RSU1: variants seen among roughly 807,000 people sequenced by gnomAD.
RSU1 encodes Ras suppressor protein 1.
Under a neutral mutation model 31.1 loss-of-function variants are expected in RSU1, and 26 were observed. The ratio of observed to expected loss-of-function variants is 0.84; its 90% CI spans 0.61 to 1.16. The LOEUF (loss-of-function observed/expected upper bound fraction) is 1.16, where lower values mean the gene tolerates loss of function less well. Ranked by LOEUF, RSU1 falls within the 50% of genes most tolerant of loss-of-function variation. RSU1 has a pLI of 0.00. For synonymous variants in RSU1, 164 were observed against 136.3 expected (o/e 1.20, Z -1.41); for missense variants, 320 against 339.1 (o/e 0.94, Z 0.44).
intron 8 of RSU1, among the ~76,000 whole-genome samples, chr10:16,610,139 C>T (rs190783211): frequency 6.6e-6 from 1 of 152,174 alleles, no homozygotes; most frequent in Non-Finnish European, 1.5e-5. Flanking sequence ...AAATTTATTA[C>T]ATAAATTTAA....
intron 7 of RSU1, among the ~76,000 whole-genome samples, chr10:16,719,132 A>T (rs1215383779): frequency 1.3e-5 from 2 of 152,134 alleles, no homozygotes; most frequent in Non-Finnish European, 2.9e-5. Context: ...ACACAGTGAC[A>T]ACCTATCTCT....
chr10:16,806,707 C>A (rs1257373786), intron 2 of RSU1, among the ~76,000 whole-genome samples: 1 of 152,140 alleles, frequency 6.6e-6, no homozygotes, highest in Non-Finnish European at 1.5e-5. Context: ...TAATAAATTA[C>A]ATAGGCATCT....
intron 2 of RSU1, among the ~76,000 whole-genome samples, chr10:16,811,364 G>C (rs573819009): frequency 4.3e-4 from 66 of 152,240 alleles, no homozygotes; most frequent in Middle Eastern, 6.8e-3. Context: ...TCTAATAATA[G>C]CAAGTATTAA....
chr10:16,760,276 G>A (rs1315359305), intron 4 of RSU1, among the ~76,000 whole-genome samples: 6 of 152,122 alleles, frequency 3.9e-5, no homozygotes, highest in African/African-American at 7.2e-5. Flanking sequence ...TTGGGAGGCC[G>A]AGGCAGGTGG....
chr10:16,710,036 C>G (rs1036234007), intron 7 of RSU1, among the ~76,000 whole-genome samples: 1 of 152,110 alleles, frequency 6.6e-6, no homozygotes, highest in African/African-American at 2.4e-5. Flanking sequence ...ATGGCTTAGG[C>G]TAGGACTTCC....
rs1130684 is a variant in RSU1, at chr10:16,817,336, C to A, written c.-25G>T. The A allele has an allele frequency of 6.5e-6, 3 of 461,784 alleles. No individual in the cohort carries two copies. The highest frequency in any genetic ancestry group is 5.4e-5 in the South Asian group (2 of 36,842). 28.6% of individuals were successfully genotyped at this position (461,784 alleles called of 1,614,324 possible). On this transcript the variant is annotated 5_prime_UTR_variant, in exon 1 of 9. Coordinates refer to ENST00000345264, the MANE Select transcript of RSU1 (RefSeq NM_012425.4). ...TCACCACGGAAGGTAGCCCCTAAGA[C>A]GATGGGCGTGCAACCACAAGCTTCG... is the stretch of plus-strand genomic sequence containing the variant.
At chr10:16,698,930 C>G (rs1004559120) in intron 7 of RSU1, among the ~76,000 whole-genome samples, 1 of 152,196 alleles carries the variant, frequency 6.6e-6, no homozygotes, top group Non-Finnish European at 1.5e-5. Flanking sequence ...ACTTCAGTAT[C>G]AAGCAATGCT....
At chr10:16,799,692 A>C (rs1838110291) in intron 2 of RSU1, among the ~76,000 whole-genome samples, 1 of 152,182 alleles carries the variant, frequency 6.6e-6, no homozygotes, top group Non-Finnish European at 1.5e-5. Flanking sequence ...AAGAAGCCCA[A>C]AGCATTCTGC....
At chr10:16,807,469 C>A (rs1311545358) in intron 2 of RSU1, among the ~76,000 whole-genome samples, 1 of 152,104 alleles carries the variant, frequency 6.6e-6, no homozygotes, top group East Asian at 1.9e-4. Context: ...AGCTAATGTT[C>A]TAAGTTTGAA....
intron 7 of RSU1, among the ~76,000 whole-genome samples, chr10:16,720,874 T>A (rs1022109401): frequency 6.6e-6 from 1 of 152,148 alleles, no homozygotes; most frequent in Non-Finnish European, 1.5e-5. Context: ...TGGGCCCAAC[T>A]GCTTGGGAGG....
intron 3 of RSU1, among the ~76,000 whole-genome samples, chr10:16,775,422 C>A (rs375286709): frequency 6.6e-6 from 1 of 152,036 alleles, no homozygotes; most frequent in Non-Finnish European, 1.5e-5. Flanking sequence ...GGAATTAGCA[C>A]GTTAGCTGGC....
intron 7 of RSU1, among the ~76,000 whole-genome samples, chr10:16,708,031 T>C (rs1301890349): frequency 6.6e-6 from 1 of 152,182 alleles, no homozygotes; most frequent in South Asian, 2.1e-4. Context: ...GCTATAGGTA[T>C]GTAAATTTAT....
intron 7 of RSU1, among the ~76,000 whole-genome samples, chr10:16,736,788 A>T (rs1836637015): frequency 6.6e-6 from 1 of 152,182 alleles, no homozygotes; most frequent in Non-Finnish European, 1.5e-5. Context: ...ATGTGCAAAG[A>T]TTTAAAGAAA....
intron 8 of RSU1, among the ~76,000 whole-genome samples, chr10:16,594,507 G>A (rs1273999179): frequency 6.6e-6 from 1 of 150,604 alleles, no homozygotes; most frequent in African/African-American, 2.4e-5. Context: ...CAAACTCCTG[G>A]GCTCAAGCGA....
intron 2 of RSU1, among the ~76,000 whole-genome samples, chr10:16,791,306 C>T (rs1046207492): frequency 6.6e-6 from 1 of 151,902 alleles, no homozygotes; most frequent in Admixed American, 6.6e-5. Flanking sequence ...TGATTACAGG[C>T]GTGAGCCACC....
chr10:16,644,162 C>T (rs1200655723), intron 8 of RSU1, among the ~76,000 whole-genome samples: 1 of 152,072 alleles, frequency 6.6e-6, no homozygotes, highest in Non-Finnish European at 1.5e-5. Flanking sequence ...TATATAGTCC[C>T]TAGAGCTGTA....
At chr10:16,758,605 G>A (rs913463645) in intron 4 of RSU1, among the ~76,000 whole-genome samples, 5 of 152,176 alleles carry the variant, frequency 3.3e-5, no homozygotes, top group African/African-American at 9.7e-5. Context: ...ATAAAATGAG[G>A]CTGACAACAC....
At chr10:16,734,836 AC>A (rs1836591706) in intron 7 of RSU1, among the ~76,000 whole-genome samples, 1 of 152,202 alleles carries the variant, frequency 6.6e-6, no homozygotes, top group African/African-American at 2.4e-5. Context: ...TGGTGACTTC[AC>A]AGAGATGATT....
intron 7 of RSU1, among the ~76,000 whole-genome samples, chr10:16,697,987 CTTTTTTTTTTTTTTTTTTT>C (rs67816326): frequency 2.7e-4 from 27 of 99,538 alleles, no homozygotes; most frequent in Non-Finnish European, 3.1e-4. Context: ...AGGAACACAC[CTTTTTTTTTTTTTTTTTTT>C]TTTTTTTTTT....
Sources: allele counts gnomAD v4.1 joint callset (sites outside exome capture counted in the v4.1 genomes callset), GRCh38; gene constraint gnomAD v4.1.1; transcripts MANE v1.5; gene names NCBI Gene and HGNC (gene_info 2026-07-23, HGNC 2026-07-21).